The following CD72 variants were observed in gnomAD, a reference collection of about 807,000 sequenced individuals.
CD72 encodes B-cell differentiation antigen CD72.
Under a neutral mutation model 50.7 loss-of-function variants are expected in CD72, and 28 were observed. That is an observed-to-expected ratio of 0.55 (90% confidence interval 0.41 to 0.76). The LOEUF (loss-of-function observed/expected upper bound fraction) is 0.76. Among genes scored for constraint, CD72 ranks in the 30% least tolerant of loss-of-function variants. The pLI, the probability that CD72 is intolerant of heterozygous loss-of-function variation, is 0.00. For synonymous variants in CD72, 176 were observed against 171.2 expected (o/e 1.03, Z -0.22); for missense variants, 403 against 420.6 (o/e 0.96, Z 0.37).
rs1823365922 is a variant in CD72, at chr9:35,644,250, G to T, written n.408+2153C>A. ...AGTCCCAACTACTCTGGAGGCTGAG[G>T]CAGGAGAATCGCTTGAAACCAGGGG... On this transcript the variant is annotated intron_variant and non_coding_transcript_variant, in intron 1 of 3. Coordinates refer to the CD72 transcript ENST00000465754. Among the ~76,000 whole-genome samples the T allele has an allele frequency of 2.0e-5, 3 of 149,256 alleles. No homozygotes were observed. The South Asian group carries it at 6.4e-4, about 32-fold the overall frequency.
At chr9:35,646,658 A>G (rs1333563243) in exon 1 of CD72, 2 of 152,252 alleles carry the variant, frequency 1.3e-5, no homozygotes, top group Non-Finnish European at 2.9e-5. Context: ...ACCCCGCTAC[A>G]GTCACATATG....
intron 5 of CD72, among the ~76,000 whole-genome samples, chr9:35,614,516 G>C (rs1823038909): frequency 6.6e-6 from 1 of 152,188 alleles, no homozygotes. Context: ...GAAAGTGAGG[G>C]AGAAGGAGTT....
chr9:35,637,502 C>T (rs1409410423), intron 1 of CD72, among the ~76,000 whole-genome samples: 1 of 152,222 alleles, frequency 6.6e-6, no homozygotes, highest in African/African-American at 2.4e-5. Context: ...GGTCTTTTCA[C>T]TCTCTTCTCC....
At chr9:35,623,927 T>C (rs1432691499), upstream of CD72, among the ~76,000 whole-genome samples, 4 of 129,166 alleles carry the variant, frequency 3.1e-5, no homozygotes, top group African/African-American at 1.2e-4. Flanking sequence ...AAAAAATGGG[T>C]TAAAAAGACA....
Position 35,618,299 on chromosome 9 carries a change from G to C in CD72, c.5C>G (p.Ala2Gly), listed in dbSNP as rs1467263346. 1.2e-6 allele frequency: 2 copies of C among 1,614,044 alleles called. No homozygotes were observed. The highest frequency in any genetic ancestry group is 1.7e-5 in the Admixed American group (1 of 60,012). Residue 2 changes from alanine (A) to glycine (G), a missense_variant, in exon 1 of 9, where the codon GCT becomes GGT. Ala to Gly is a moderately conservative substitution (Grantham distance 60, BLOSUM62 0). Transcript: ENST00000259633. M[A>G]EAITYADLRF... ...CAGATCTGCATAGGTGATGGCCTCA[G>C]CCATGGTCCTGAGCAGCTCTGCCCC...
chr9:35,623,563 C>T (rs555636030), upstream of CD72, among the ~76,000 whole-genome samples: 2 of 152,224 alleles, frequency 1.3e-5, no homozygotes, highest in African/African-American at 2.4e-5. Flanking sequence ...GATGAGGCAG[C>T]CCTAGTCCCC....
rs779391277 is a variant in CD72, at chr9:35,612,880, G to A, written c.802C>T (p.Leu268=). The A allele has an allele frequency of 8.7e-6, 14 of 1,614,078 alleles. No homozygotes were observed. In the South Asian group the frequency reaches 1.5e-4, roughly 18 times the overall value. The stretch of plus-strand genomic sequence containing the variant: ...GGATAAATTTCACTGAATGTGGCCA[G>A]CTTGGAAGACAGAGTTTCACATTGT... ...QKQCETLSSK[L]ATFSEIYPQS... is the part of the protein sequence containing the mutation. The change falls in exon 6 of 9, where the codon CTG becomes TTG. Residue 268 remains leucine (L), a synonymous_variant. Coordinates refer to ENST00000259633, the MANE Select transcript of CD72 (RefSeq NM_001782.3).
At chr9:35,645,553 G>A (rs181885429) in intron 1 of CD72, among the ~76,000 whole-genome samples, 1 of 151,768 alleles carries the variant, frequency 6.6e-6, no homozygotes, top group Admixed American at 6.6e-5. Flanking sequence ...CTGCACTCCA[G>A]CTTGGGCAAC....
Position 35,618,049 on chromosome 9 carries a change from G to A in CD72, c.155C>T (p.Ser52Leu), listed in dbSNP as rs749841789. 3 of 1,613,830 alleles carry A rather than the reference G, an allele frequency of 1.9e-6. No homozygotes were observed. The highest frequency in any genetic ancestry group is 2.5e-6 in the Non-Finnish European group (3 of 1,179,732). ...CCCTAGTACAGAAGAAGCCAAGCTT[G>A]AGGGCACCCCTAGGACTGCGGGCAC... Reference protein sequence around the residue: ...VQVPAVLGVPSSLASSVLGDK... With the variant: ...VQVPAVLGVPLSLASSVLGDK... The change falls in exon 2 of 9, where the codon TCA becomes TTA. Residue 52 changes from serine (S) to leucine (L), a missense_variant. Transcript: ENST00000259633.
Position 35,616,751 on chromosome 9 carries a change from G to A in CD72, c.263-62C>T, listed in dbSNP as rs968098617. 6.4e-6 allele frequency: 9 copies of A among 1,403,548 alleles called. No homozygotes were observed. The Admixed American group carries it at 1.2e-4, about 19-fold the overall frequency. The allele number at this position is 1,403,548 out of a possible 1,614,324, so 86.9% of individuals were successfully genotyped here. A position where few individuals can be genotyped will look rare whatever the true frequency, so the allele number is the denominator to read the frequency against. Reference sequence around the variant, plus strand: ...CCCCGTAAAGAATGTAGAGAGGAAGGGACAGGTCCGTGGGGGAGACCCCTG... The same window carrying A: ...CCCCGTAAAGAATGTAGAGAGGAAGAGACAGGTCCGTGGGGGAGACCCCTG... On this transcript the variant is annotated intron_variant, in intron 3 of 8. Transcript: ENST00000259633.
At chr9:35,613,652 C>T (rs1823021526) in intron 5 of CD72, among the ~76,000 whole-genome samples, 2 of 152,184 alleles carry the variant, frequency 1.3e-5, no homozygotes, top group African/African-American at 4.8e-5. Flanking sequence ...TACATATGCT[C>T]ATGTCCCCAC....
Position 35,616,026 on chromosome 9 carries a change from T to G in CD72, c.605A>C (p.Glu202Ala), listed in dbSNP as rs1050967819. 6.2e-7 allele frequency: 1 copy of G among 1,613,984 alleles called. No individual in the cohort carries two copies. Among genetic ancestry groups the G allele is most frequent in the African/African-American group, 1.3e-5 (1 of 74,896 alleles). The change falls in exon 5 of 9, where the codon GAG (glutamate) becomes GCG (alanine). Residue 202 changes from glutamate (E) to alanine (A), a missense_variant. Transcript: ENST00000259633. ...RQKTKETLQS[E>A]EQQRRALEQK... Reference sequence around the variant, plus strand: ...CTCCAAGGCCCTCCTCTGTTGCTCCTCACTTTGCAAGGTCTCCTTCGTCTT... The same window carrying G: ...CTCCAAGGCCCTCCTCTGTTGCTCCGCACTTTGCAAGGTCTCCTTCGTCTT...
upstream of CD72, among the ~76,000 whole-genome samples, chr9:35,624,223 TA>T (rs1823174224): frequency 9.5e-6 from 1 of 105,568 alleles, no homozygotes; most frequent in Non-Finnish European, 1.9e-5. Context: ...AAAATAATAA[TA>T]ATAATAATAA....
chr9:35,612,063 A>C, intron 6 of CD72, 144 bp from the exon 7 acceptor site: 1 of 598,528 alleles, frequency 1.7e-6, no homozygotes, highest in South Asian at 2.0e-5. Flanking sequence ...GAATCCATCA[A>C]GTGCCACCCT....
chr9:35,637,260 C>T (rs13289219), intron 1 of CD72, among the ~76,000 whole-genome samples: 1 of 152,216 alleles, frequency 6.6e-6, no homozygotes, highest in Non-Finnish European at 1.5e-5. Flanking sequence ...CGGACTCAGC[C>T]CGCCTGCACC....
chr9:35,622,324 G>A (rs1004488411), upstream of CD72, among the ~76,000 whole-genome samples: 4 of 152,158 alleles, frequency 2.6e-5, no homozygotes, highest in South Asian at 2.1e-4. Flanking sequence ...ATAGGTCTTC[G>A]GTGACTTGCC....
chr9:35,611,895 G>A lies in CD72; in HGVS notation c.859C>T (p.Leu287=). 1 of 1,602,170 alleles carries A rather than the reference G, an allele frequency of 6.2e-7. No homozygotes were observed. The highest frequency in any genetic ancestry group is 1.1e-5 in the South Asian group (1 of 90,850). ...TTCCCTGAACCACCATTTGGCAACA[G>A]TGAATTTAAGAAGTAGTAAGAGTGC... ...QSHSYYFLNS[L]LPNGGSGNSY... is the part of the protein sequence containing the mutation. Residue 287 remains leucine, a synonymous_variant, in exon 7 of 9, where the codon CTG becomes TTG. Transcript: ENST00000259633.
At position 35,615,953 on chromosome 9, in the gene CD72, G is replaced by T. The variant is rs767297703; in HGVS notation, c.678C>A (p.Cys226Ter). Residue 226 changes from cysteine (C) to a stop codon, truncating the protein, a stop_gained, in exon 5 of 9, where the codon TGC becomes TGA. Transcript: ENST00000259633. LOFTEE classifies it high-confidence loss of function. ...MENRLKPFFT[C>*]GSADTCCPSG... is the part of the protein sequence containing the mutation. ...CCCCAGAGCGGATACCTGCTGAGCC[G>T]CATGTGAAGAAGGGCTTCAGTCTGT... is the stretch of plus-strand genomic sequence containing the variant. 3 of 1,612,244 alleles carry T rather than the reference G, an allele frequency of 1.9e-6. No homozygotes were observed. The highest frequency in any genetic ancestry group is 1.7e-5 in the Admixed American group (1 of 59,930).
At chr9:35,624,221 A>AATG, upstream of CD72, among the ~76,000 whole-genome samples, 1 of 47,442 alleles carries the variant, frequency 2.1e-5, no homozygotes, top group East Asian at 3.3e-4. Flanking sequence ...CAAAAATAAT[A>AATG]ATAATAATAA....
Sources: allele counts gnomAD v4.1 joint callset (sites outside exome capture counted in the v4.1 genomes callset), GRCh38; gene constraint gnomAD v4.1.1; transcripts MANE v1.5; gene names NCBI Gene and HGNC (gene_info 2026-07-23, HGNC 2026-07-21).